ZYG11B: variants seen among roughly 807,000 people sequenced by gnomAD.
The protein encoded by ZYG11B is zyg-11 family member B, cell cycle regulator.
A neutral mutation model predicts 82.4 loss-of-function variants in ZYG11B; 36 were observed. That is an observed-to-expected ratio of 0.44 (90% CI 0.33 to 0.58). The LOEUF is 0.58. Among genes scored for constraint, ZYG11B ranks in the 20% least tolerant of loss-of-function variants. The pLI is 0.02. For missense variants in ZYG11B, 552 were observed against 895.6 expected, an observed-to-expected ratio of 0.62 and a Z score of 4.90; for synonymous variants, 303 against 312.8, an observed-to-expected ratio of 0.97 and a Z score of 0.33.
chr1:52,767,290 GTTGTTATT>G (rs149036797), intron 2 of ZYG11B, among the ~76,000 whole-genome samples: 654 of 12,066 alleles, frequency 0.054, 3 homozygotes, highest in Non-Finnish European at 0.087. Flanking sequence ...TTTATGTTAT[GTTGTTATT>G]TTATTTTATG....
In ZYG11B at chr1:52,814,305, G is replaced by T. The variant is rs141451378; in HGVS notation, c.1946+393G>T. ...CTAAGTGCTGGGATTACAGGCGTGA[G>T]CCACCACACCCAGCCAAAAGTATTG... On this transcript the variant is annotated intron_variant, in intron 12 of 13. Coordinates refer to ENST00000294353, the MANE Select transcript of ZYG11B (RefSeq NM_024646.3). Among the ~76,000 whole-genome samples, 1,062 of 152,326 alleles carry T rather than the reference G, an allele frequency of 7.0e-3. 21 individuals carry two copies. The highest frequency in any genetic ancestry group is 0.025 in the African/African-American group (1,020 of 41,558).
At chr1:52,760,178 C>T (rs995201808) in intron 2 of ZYG11B, among the ~76,000 whole-genome samples, 4 of 152,180 alleles carry the variant, frequency 2.6e-5, no homozygotes, top group Non-Finnish European at 5.9e-5. Context: ...GGCAGTGATT[C>T]ACGCCTGTAA....
chr1:52,784,786 GA>G, intron 4 of ZYG11B, 90 bp from the exon 5 acceptor site: 1 of 1,387,074 alleles, frequency 7.2e-7, no homozygotes, highest in Non-Finnish European at 9.9e-7. Flanking sequence ...TGACATCTTT[GA>G]AATTACTATA....
chr1:52,798,436 C>A (rs1181100939), intron 8 of ZYG11B, among the ~76,000 whole-genome samples: 1 of 152,040 alleles, frequency 6.6e-6, no homozygotes, highest in East Asian at 1.9e-4. Flanking sequence ...CAATATGAGA[C>A]CCCATCTATA....
At chr1:52,801,758 C>A in intron 8 of ZYG11B, 61 bp from the exon 9 acceptor site, 1 of 1,377,068 alleles carries the variant, frequency 7.3e-7, no homozygotes, top group Non-Finnish European at 9.8e-7. Flanking sequence ...GGTTATTAAT[C>A]ACCACAAATT....
At chr1:52,739,443 T>A (rs1330265496) in intron 1 of ZYG11B, among the ~76,000 whole-genome samples, 2 of 152,162 alleles carry the variant, frequency 1.3e-5, no homozygotes, top group Non-Finnish European at 2.9e-5. Context: ...GCAAGTAGAG[T>A]AGAGTAGATA....
intron 1 of ZYG11B, among the ~76,000 whole-genome samples, chr1:52,753,405 G>GGTT (rs1160907176): frequency 1.6e-4 from 24 of 147,904 alleles, no homozygotes; most frequent in South Asian, 6.5e-4. Flanking sequence ...TTCTTCTTCT[G>GGTT]GTTGTTGTTG....
chr1:52,782,508 CCT>C (rs1346074344), intron 4 of ZYG11B, among the ~76,000 whole-genome samples: 2 of 152,074 alleles, frequency 1.3e-5, no homozygotes, highest in African/African-American at 4.8e-5. Flanking sequence ...TCTGCCTCAA[CCT>C]CTCGAATGGC....
rs569090329 is a variant in ZYG11B at position 52,811,668 on chromosome 1, T to C, written c.1696-1868T>C. Among the ~76,000 whole-genome samples the C allele has an allele frequency of 2.0e-5, 3 of 152,356 alleles. No individual in the cohort carries two copies. The East Asian group carries it at 5.8e-4, about 29-fold the overall frequency. ...GTTTTTCCGGAAGCATCTCATCTGC[T>C]GTTAATCTCATCCAATATATTTTGC... On this transcript the variant is annotated intron_variant, in intron 10 of 13. Transcript: ENST00000294353.
At chr1:52,734,719 A>G (rs1265022694) in intron 1 of ZYG11B, among the ~76,000 whole-genome samples, 4 of 150,780 alleles carry the variant, frequency 2.7e-5, no homozygotes, top group Admixed American at 1.3e-4. Flanking sequence ...TCTCTGACCA[A>G]TTTTCTTTTT....
At chr1:52,750,273 A>ATT (rs35418497) in intron 1 of ZYG11B, among the ~76,000 whole-genome samples, 2 of 132,268 alleles carry the variant, frequency 1.5e-5, no homozygotes, top group Non-Finnish European at 3.3e-5. Context: ...CCCAGCAACT[A>ATT]TTTTTTTTTT....
At chr1:52,742,695 A>T (rs1644440942) in intron 1 of ZYG11B, among the ~76,000 whole-genome samples, 1 of 151,932 alleles carries the variant, frequency 6.6e-6, no homozygotes, top group Non-Finnish European at 1.5e-5. Flanking sequence ...ACAAAAAATT[A>T]GCCGGGCGTG....
chr1:52,782,390 A>T (rs1449657346), intron 4 of ZYG11B, among the ~76,000 whole-genome samples: 1 of 148,600 alleles, frequency 6.7e-6, no homozygotes, highest in African/African-American at 2.5e-5. Flanking sequence ...CTTTTATTTT[A>T]TTTTTTTAAA....
At position 52,824,870 on chromosome 1, in the gene ZYG11B, A is replaced by G. The variant is rs1271365817; in HGVS notation, c.*3241A>G. The G allele has an allele frequency of 6.6e-6, 1 of 152,086 alleles. No individual in the cohort carries two copies. The highest frequency in any genetic ancestry group is 1.5e-5 in the Non-Finnish European group (1 of 68,030). 9.4% of individuals were successfully genotyped at this position (152,086 alleles called of 1,614,324 possible). A position where few individuals can be genotyped will look rare whatever the true frequency, so the allele number is the denominator to read the frequency against. On this transcript the variant is annotated 3_prime_UTR_variant, in exon 14 of 14. Coordinates refer to ENST00000294353, the MANE Select transcript of ZYG11B (RefSeq NM_024646.3). ...CCTCCTTTTTGCACCTGTAGACTAG[A>G]ATATAACTGTTATTGGTGCCTTTGA...
At chr1:52,744,315 C>A (rs1644459147) in intron 1 of ZYG11B, among the ~76,000 whole-genome samples, 1 of 152,194 alleles carries the variant, frequency 6.6e-6, no homozygotes. Flanking sequence ...AGTACAGTAA[C>A]ATGCTGTACA....
chr1:52,781,501 A>C (rs901522376), intron 4 of ZYG11B, among the ~76,000 whole-genome samples: 4 of 152,098 alleles, frequency 2.6e-5, no homozygotes, highest in African/African-American at 9.7e-5. Flanking sequence ...ACTTGTCTTA[A>C]AAGAGAAAAA....
intron 12 of ZYG11B, 95 bp from the exon 13 acceptor site, chr1:52,816,437 T>C: frequency 1.2e-6 from 1 of 807,992 alleles, no homozygotes; most frequent in South Asian, 1.5e-5. Context: ...TATAATAGGA[T>C]AAAATTTTGA....
rs115680899 is a variant in ZYG11B at position 52,767,031 on chromosome 1, T to A, written c.197-3989T>A. ...CAAAAAAAAAAAAATTATTTTATTT[T>A]ATTTATTTTATGTTATTTTATTTTA... On this transcript the variant is annotated intron_variant, in intron 2 of 13. Coordinates refer to ENST00000294353, the MANE Select transcript of ZYG11B (RefSeq NM_024646.3). Among the ~76,000 whole-genome samples the A allele has an allele frequency of 3.7e-3, 559 of 151,074 alleles. 4 individuals are homozygous for A. Among genetic ancestry groups the A allele is most frequent in the African/African-American group, 0.013 (524 of 41,260 alleles).
At chr1:52,749,325 C>G (rs1367775221) in intron 1 of ZYG11B, among the ~76,000 whole-genome samples, 1 of 152,130 alleles carries the variant, frequency 6.6e-6, no homozygotes, top group Non-Finnish European at 1.5e-5. Context: ...ATAGTAAGTG[C>G]TAGGTTGCTT....
Sources: gnomAD v4.1 joint callset for allele counts (sites outside exome capture counted in the v4.1 genomes callset) on GRCh38, gnomAD v4.1.1 for gene constraint, MANE v1.5 for transcripts, NCBI Gene and HGNC (gene_info 2026-07-23, HGNC 2026-07-21) for gene names.